The following GCN1 variants were observed in gnomAD, a reference collection of about 807,000 sequenced individuals.
GCN1 encodes the protein stalled ribosome sensor GCN1.
Under a neutral mutation model 288.4 loss-of-function variants are expected in GCN1, and 90 were observed. The ratio of observed to expected loss-of-function variants is 0.31; its 90% confidence interval spans 0.26 to 0.37. The LOEUF is 0.37. GCN1 is among the 10% of genes least tolerant of loss of function. The pLI, the probability that GCN1 is intolerant of heterozygous loss-of-function variation, is 1.00. For synonymous variants in GCN1, 1,386 were observed against 1,420.2 expected, an observed-to-expected ratio of 0.98 and a Z score of 0.54; for missense variants, 2,586 against 3,419.9, an observed-to-expected ratio of 0.76 and a Z score of 6.08.
intron 2 of GCN1, among the ~76,000 whole-genome samples, chr12:120,187,116 C>T (rs1281469940): frequency 1.3e-5 from 2 of 151,934 alleles, no homozygotes; most frequent in Non-Finnish European, 2.9e-5. Flanking sequence ...TAGGCATAAG[C>T]AGGTCAGAAG....
chr12:120,148,986 AT>A (rs751197425), intron 36 of GCN1, among the ~76,000 whole-genome samples: 46 of 139,358 alleles, frequency 3.3e-4, no homozygotes, highest in Non-Finnish European at 4.4e-4. Flanking sequence ...CACTTGGCCT[AT>A]TTTTTTTTTT....
chr12:120,151,484 T>C lies in GCN1; in HGVS notation c.4063-93A>G. On this transcript the variant is annotated intron_variant, in intron 33 of 57. Coordinates refer to ENST00000300648, the MANE Select transcript of GCN1 (RefSeq NM_006836.2). ...GACCATTCTACACAGCACCCACCAC[T>C]AGATGTCCCAAGCCCCATCTCAGCC... The C allele has an allele frequency of 3.0e-6, 4 of 1,325,922 alleles. No individual in the cohort carries two copies. In the East Asian group the frequency reaches 7.2e-5, roughly 24 times the overall value. 82.1% of individuals were successfully genotyped at this position (1,325,922 alleles called of 1,614,324 possible). A position where few individuals can be genotyped will look rare whatever the true frequency, so the allele number is the denominator to read the frequency against.
At position 120,151,245 on chromosome 12, in the gene GCN1, G is replaced by A. The variant is rs1366281883; in HGVS notation, c.4209C>T (p.Gly1403=). The A allele has an allele frequency of 1.2e-6, 2 of 1,614,034 alleles. No individual in the cohort carries two copies. Among genetic ancestry groups the A allele is most frequent in the Non-Finnish European group, 1.7e-6 (2 of 1,180,022 alleles). Residue 1403 remains glycine (G), a synonymous_variant, in exon 34 of 58, where the codon GGC becomes GGT. Transcript: ENST00000300648. ...AGAGGATGCCCAGGCCCTTCACCAG[G>A]CCCGCCAGGCCATAGGCGGCCCCTT... The part of the protein sequence containing the change: ...ERKGAAYGLA[G]LVKGLGILSL...
chr12:120,184,350 C>T lies in GCN1; in HGVS notation c.186-107G>A. ...TCTTTCTCAGGAGAAACTGATCACA[C>T]CATATTCCAGTGGATAACAGAGAAG... On this transcript the variant is annotated intron_variant, in intron 3 of 57. Transcript: ENST00000300648. 6 of 911,956 alleles carry T rather than the reference C, an allele frequency of 6.6e-6. No homozygotes were observed. The South Asian group carries it at 8.0e-5, about 12-fold the overall frequency. The allele number at this position is 911,956 out of a possible 1,614,324, so 56.5% of individuals were successfully genotyped here.
In GCN1 at chr12:120,145,058, G is replaced by A. The variant is rs1271185092; in HGVS notation, c.5020C>T (p.Arg1674Trp). The A allele has an allele frequency of 1.2e-6, 2 of 1,613,904 alleles. No individual in the cohort carries two copies. The highest frequency in any genetic ancestry group is 8.5e-7 in the Non-Finnish European group (1 of 1,179,986). ...CCAAGGGCCTTTGCAGATACGGTCCGCACCTGTCAGGTAACCGAGAGCAGA... is the reference window on the plus strand; with the variant it reads ...CCAAGGGCCTTTGCAGATACGGTCCACACCTGTCAGGTAACCGAGAGCAGA... The part of the protein sequence containing the change: ...ASLLDPVPEV[R>W]TVSAKALGAM... Residue 1674 changes from arginine (R) to tryptophan (W), a missense_variant, in exon 40 of 58, where the codon CGG becomes TGG. By Grantham distance (101) the Arg-to-Trp change is moderately radical (BLOSUM62 -3). Around this residue, in one of 8 missense-constraint regions of GCN1, gnomAD observed 371 missense variants for 572.6 expected, o/e 0.65. Coordinates refer to ENST00000300648, the MANE Select transcript of GCN1 (RefSeq NM_006836.2).
rs1478364512 is a variant in GCN1, at chr12:120,147,190, C to G, written c.4809G>C (p.Lys1603Asn). Residue 1603 changes from lysine to asparagine, a missense_variant, in exon 38 of 58, where the codon AAG becomes AAC. Transcript: ENST00000300648. ...QKCLQTLLDT[K>N]FVHFIDAPSL... Reference sequence around the variant, plus strand: ...ATGGGGCATCAATGAAGTGGACAAACTTGGTGTCCAGCAGGGTCTGCAAGC... The same window carrying G: ...ATGGGGCATCAATGAAGTGGACAAAGTTGGTGTCCAGCAGGGTCTGCAAGC... 6.2e-7 allele frequency: 1 copy of G among 1,612,674 alleles called. No homozygotes were observed. Among genetic ancestry groups the G allele is most frequent in the South Asian group, 1.1e-5 (1 of 90,958 alleles).
chr12:120,184,021 G>T, intron 4 of GCN1, 91 bp downstream of exon 4: 1 of 1,207,012 alleles, frequency 8.3e-7, no homozygotes. Context: ...TTGCTATCCT[G>T]GCTCCTCCCT....
rs200828342 is a variant in GCN1 at position 120,134,750 on chromosome 12, G to T, written c.7009-24C>A. 82 of 1,605,390 alleles carry T rather than the reference G, an allele frequency of 5.1e-5. 2 individuals are homozygous for T. Among genetic ancestry groups the T allele is most frequent in the Non-Finnish European group, 1.7e-6 (2 of 1,174,046 alleles). ...ACCTGTGGGAGGAACCCACATCCAT[G>T]AAAGACAGTTGTGGTAGACCCAAAG... On this transcript the variant is annotated intron_variant, in intron 51 of 57. Coordinates refer to ENST00000300648, the MANE Select transcript of GCN1 (RefSeq NM_006836.2). This position sits in a 1 kb window ranked among gnomAD's most constrained non-coding sequence, Gnocchi z 5.0.
intron 37 of GCN1, among the ~76,000 whole-genome samples, chr12:120,147,738 G>A (rs150826091): frequency 6.6e-6 from 1 of 152,324 alleles, no homozygotes; most frequent in African/African-American, 2.4e-5. Flanking sequence ...AATTTAACAA[G>A]TGACATGCTG....
chr12:120,169,260 G>C (rs1340675336), intron 15 of GCN1, among the ~76,000 whole-genome samples: 5 of 96,474 alleles, frequency 5.2e-5, no homozygotes, highest in Admixed American at 1.6e-4. Context: ...CTGGGCGACA[G>C]AGCGAAACTC....
chr12:120,156,446 A>G lies in GCN1; in HGVS notation c.3312+15T>C, dbSNP rs1413700675. 1 of 1,612,508 alleles carries G rather than the reference A, an allele frequency of 6.2e-7. No individual in the cohort carries two copies. The highest frequency in any genetic ancestry group is 8.5e-7 in the Non-Finnish European group (1 of 1,179,238). ...GACAAGGGACACTGCAGTGGCTCTG[A>G]GACTGAGCACACACCCGGAGCACGG... On this transcript the variant is annotated intron_variant, in intron 28 of 57. Coordinates refer to ENST00000300648, the MANE Select transcript of GCN1 (RefSeq NM_006836.2). This position sits in a 1 kb window ranked among gnomAD's most constrained non-coding sequence, Gnocchi z 5.8.
At chr12:120,165,405 G>A (rs778042149) in intron 16 of GCN1, among the ~76,000 whole-genome samples, 2 of 151,938 alleles carry the variant, frequency 1.3e-5, no homozygotes, top group African/African-American at 2.4e-5. Context: ...CCTGACCACA[G>A]GTGATCCACC....
At position 120,151,270 on chromosome 12, in the gene GCN1, T is replaced by C. The variant is rs765342925; in HGVS notation, c.4184A>G (p.Lys1395Arg). ...GCCCGCCAGGCCATAGGCGGCCCCT[T>C]TGCGCTCTGCGTACTTGTCTGACTC... ...LLESDKYAERKGAAYGLAGLV... is the reference protein window; with the variant it reads ...LLESDKYAERRGAAYGLAGLV... Residue 1395 changes from lysine (K) to arginine (R), a missense_variant, in exon 34 of 58, where the codon AAA becomes AGA. Physicochemically the swap from Lys to Arg is conservative, Grantham distance 26. This residue lies in a region of GCN1 where 332 missense variants were observed against 403.0 expected (regional missense o/e 0.82). Coordinates refer to ENST00000300648, the MANE Select transcript of GCN1 (RefSeq NM_006836.2). 1.2e-5 allele frequency: 20 copies of C among 1,614,030 alleles called. No homozygotes were observed. The highest frequency in any genetic ancestry group is 1.6e-4 in the Middle Eastern group (1 of 6,084).
Position 120,137,837 on chromosome 12 carries a change from G to T in GCN1, c.6394-23C>A. 2 of 1,612,912 alleles carry T rather than the reference G, an allele frequency of 1.2e-6. No individual in the cohort carries two copies. Among genetic ancestry groups the T allele is most frequent in the African/African-American group, 2.7e-5 (2 of 75,040 alleles). Reference sequence around the variant, plus strand: ...CTCCTGCAAACCACAAGGGACATGTGTGCTGAGCAGGGATCCTCCGGGCAG... The same window carrying T: ...CTCCTGCAAACCACAAGGGACATGTTTGCTGAGCAGGGATCCTCCGGGCAG... On this transcript the variant is annotated intron_variant, in intron 48 of 57. Coordinates refer to ENST00000300648, the MANE Select transcript of GCN1 (RefSeq NM_006836.2). This position sits in a 1 kb window ranked among gnomAD's most constrained non-coding sequence, Gnocchi z 5.2.
intron 45 of GCN1, among the ~76,000 whole-genome samples, chr12:120,139,501 C>T (rs1877121275): frequency 6.6e-6 from 1 of 151,936 alleles, no homozygotes. Context: ...GTGGTGCACA[C>T]CTATAGTCCC....
Position 120,158,033 on chromosome 12 carries a change from G to A in GCN1, c.2906-3C>T, listed in dbSNP as rs768769870. 2 of 1,613,466 alleles carry A rather than the reference G, an allele frequency of 1.2e-6. No homozygotes were observed. Among genetic ancestry groups the A allele is most frequent in the Admixed American group, 3.3e-5 (2 of 60,020 alleles). ...TGGCGCGGACAAGGGCGCAGCACCT[G>A]TGAGAGCGAGAAGCAGATAAGATTC... is the stretch of plus-strand genomic sequence containing the variant. On this transcript the variant is annotated splice_polypyrimidine_tract_variant and splice_region_variant and intron_variant, in intron 25 of 57. Transcript: ENST00000300648. The surrounding 1 kb of genome is among the most constrained non-coding windows in gnomAD (Gnocchi z 4.3).
intron 12 of GCN1, among the ~76,000 whole-genome samples, chr12:120,174,530 C>G (rs184745750): frequency 1.3e-5 from 2 of 152,170 alleles, no homozygotes; most frequent in Non-Finnish European, 2.9e-5. Flanking sequence ...CAGTGGCTCA[C>G]GCCTGTAATC....
In GCN1 at chr12:120,128,462, A is replaced by G. The variant is rs563425144; in HGVS notation, c.7891-488T>C. ...GCGATTCTCCTGCCTCAGCTTCCCG[A>G]GTAGCTGAGATTACAGACATAGCGC... On this transcript the variant is annotated intron_variant, in intron 57 of 57. Transcript: ENST00000300648. Among the ~76,000 whole-genome samples, 42 of 151,976 alleles carry G rather than the reference A, an allele frequency of 2.8e-4. 1 individual carries two copies. Among genetic ancestry groups the G allele is most frequent in the Admixed American group, 2.4e-3 (36 of 15,256 alleles).
chr12:120,157,747 C>G (rs1427007021), intron 26 of GCN1, 102 bp downstream of exon 26: 18 of 970,190 alleles, frequency 1.9e-5, no homozygotes, highest in Non-Finnish European at 2.8e-5. Context: ...CATACACTCT[C>G]TATTTCCCCA....
Sources: allele counts gnomAD v4.1 joint callset (sites outside exome capture counted in the v4.1 genomes callset), GRCh38; gene constraint gnomAD v4.1.1; regional missense constraint gnomAD v4.1.1; non-coding constraint Gnocchi (gnomAD v3.1); transcripts MANE v1.5; gene names NCBI Gene and HGNC (gene_info 2026-07-23, HGNC 2026-07-21).